The following ADGB variants were observed in gnomAD, a reference collection of about 807,000 sequenced individuals.
The protein encoded by ADGB is calpain-7-like protein.
ADGB carries 172 observed loss-of-function variants against 210.5 expected under a neutral mutation model. That is an observed-to-expected ratio of 0.82 (90% CI 0.72 to 0.93). ADGB has a LOEUF of 0.93. ADGB is among the 40% of genes least tolerant of loss of function. ADGB has a pLI of 0.00. For synonymous variants in ADGB, 658 were observed against 662.7 expected, an observed-to-expected ratio of 0.99 and a Z score of 0.11; for missense variants, 2,025 against 1,964.8, an observed-to-expected ratio of 1.03 and a Z score of -0.58.
rs187448569 is a variant in ADGB, at chr6:146,807,512, C to A, written c.4818+5501C>A. 1.1e-4 allele frequency: 174 copies of A among 1,551,338 alleles called. 1 individual carries two copies. Among genetic ancestry groups the A allele is most frequent in the Admixed American group, 8.6e-4 (44 of 50,962 alleles). ...TGGAAGCTCTCTCTGCTCAGGAAGC[C>A]GCCATGAAGCTGGAGACAGAAAAGA... On this transcript the variant is annotated intron_variant, in intron 35 of 35. Transcript: ENST00000397944.
intron 33 of ADGB, among the ~76,000 whole-genome samples, chr6:146,799,984 A>G (rs1774415689): frequency 6.6e-6 from 1 of 151,672 alleles, no homozygotes; most frequent in African/African-American, 2.4e-5. Flanking sequence ...TAATTTTTGT[A>G]TTTTTTGTAG....
rs940934975 is a variant in ADGB at position 146,614,332 on chromosome 6, G to C, written c.74+15218G>C. ...CTTTGATAAGTTCTGATGTGCATCTGTACACATGAAACCTTCACCACTATC... is the reference window on the plus strand; with the variant it reads ...CTTTGATAAGTTCTGATGTGCATCTCTACACATGAAACCTTCACCACTATC... On this transcript the variant is annotated intron_variant, in intron 1 of 35. Transcript: ENST00000397944. Among the ~76,000 whole-genome samples, 10 of 151,646 alleles carry C rather than the reference G, an allele frequency of 6.6e-5. 1 individual carries two copies. Among genetic ancestry groups the C allele is most frequent in the African/African-American group, 2.4e-5 (1 of 41,260 alleles).
intron 20 of ADGB, 55 bp downstream of exon 20, chr6:146,728,796 T>G (rs1776937543): frequency 7.2e-7 from 1 of 1,394,660 alleles, no homozygotes; most frequent in Non-Finnish European, 9.6e-7. Context: ...TTCAAAATGG[T>G]ATATCTTCCA....
intron 34 of ADGB, among the ~76,000 whole-genome samples, 186 bp downstream of exon 34, chr6:146,801,465 T>C (rs1162307752): frequency 6.6e-6 from 1 of 152,204 alleles, no homozygotes; most frequent in Non-Finnish European, 1.5e-5. Flanking sequence ...AACTAGATGA[T>C]AGAAATATAT....
Position 146,736,610 on chromosome 6 carries a change from A to G in ADGB, c.2888+19A>G, listed in dbSNP as rs1384794809. 1 of 1,485,992 alleles carries G rather than the reference A, an allele frequency of 6.7e-7. No homozygotes were observed. The highest frequency in any genetic ancestry group is 9.1e-7 in the Non-Finnish European group (1 of 1,097,554). 92.1% of individuals were successfully genotyped at this position (1,485,992 alleles called of 1,614,324 possible). ...TCTTAAGGTAAAGCAGTCAAATGATATTTTTATTGCAGTATATTGTCCTTT... is the reference window on the plus strand; with the variant it reads ...TCTTAAGGTAAAGCAGTCAAATGATGTTTTTATTGCAGTATATTGTCCTTT... On this transcript the variant is annotated intron_variant, in intron 23 of 35. Coordinates refer to ENST00000397944, the MANE Select transcript of ADGB (RefSeq NM_024694.4).
chr6:146,647,953 T>A (rs937312414), intron 3 of ADGB, among the ~76,000 whole-genome samples: 14 of 152,168 alleles, frequency 9.2e-5, no homozygotes, highest in African/African-American at 3.4e-4. Context: ...AATTTAAAAA[T>A]ATATATAGTC....
chr6:146,813,741 G>T (rs1778338021), intron 35 of ADGB, among the ~76,000 whole-genome samples: 1 of 152,124 alleles, frequency 6.6e-6, no homozygotes. Context: ...AAACAAAAGG[G>T]AATTTCAGGA....
intron 35 of ADGB, among the ~76,000 whole-genome samples, chr6:146,808,277 G>A (rs1778244377): frequency 6.6e-6 from 1 of 152,162 alleles, no homozygotes; most frequent in Non-Finnish European, 1.5e-5. Flanking sequence ...TGGGAATACA[G>A]GCGTGAGCCA....
chr6:146,801,240 G>T lies in ADGB; in HGVS notation c.4595G>T (p.Arg1532Leu), dbSNP rs746595057. The change falls in exon 34 of 36, where the codon CGA becomes CTA. Residue 1532 changes from arginine (R) to leucine (L), a missense_variant. Coordinates refer to ENST00000397944, the MANE Select transcript of ADGB (RefSeq NM_024694.4). ...TILETSPRLI[R>L]KALEFMDLSQ... ...TTGGAAACATCTCCACGACTTATTC[G>T]AAAAGCACTAGAATTTATGGATTTA... The T allele has an allele frequency of 6.6e-7, 1 of 1,513,156 alleles. No individual in the cohort carries two copies. The highest frequency in any genetic ancestry group is 8.9e-7 in the Non-Finnish European group (1 of 1,129,346). The allele number at this position is 1,513,156 out of a possible 1,614,324, so 93.7% of individuals were successfully genotyped here.
intron 3 of ADGB, among the ~76,000 whole-genome samples, chr6:146,651,845 A>C (rs1775707667): frequency 6.6e-6 from 1 of 152,192 alleles, no homozygotes; most frequent in Non-Finnish European, 1.5e-5. Context: ...TTTTATGGCT[A>C]ACAGCAAGAA....
intron 6 of ADGB, among the ~76,000 whole-genome samples, chr6:146,664,850 C>T (rs1253736081): frequency 6.6e-6 from 1 of 151,996 alleles, no homozygotes. Flanking sequence ...CTCATATTTT[C>T]TTCAGTATTC....
At chr6:146,663,985 T>C (rs1003052841) in intron 5 of ADGB, among the ~76,000 whole-genome samples, 3 of 152,096 alleles carry the variant, frequency 2.0e-5, no homozygotes, top group African/African-American at 7.2e-5. Context: ...ACAATATTGA[T>C]ATAGACATGG....
intron 33 of ADGB, among the ~76,000 whole-genome samples, chr6:146,799,267 A>G (rs1327523543): frequency 1.3e-5 from 2 of 152,032 alleles, no homozygotes; most frequent in African/African-American, 4.8e-5. Flanking sequence ...AACATGTACA[A>G]GACTCCTAGA....
intron 5 of ADGB, among the ~76,000 whole-genome samples, chr6:146,663,251 A>G (rs924107910): frequency 1.4e-5 from 2 of 147,518 alleles, no homozygotes; most frequent in Admixed American, 6.9e-5. Flanking sequence ...TTAGTCTTGT[A>G]ACAACTAAGG....
chr6:146,716,734 G>A, intron 14 of ADGB, 149 bp from the exon 15 acceptor site: 1 of 601,666 alleles, frequency 1.7e-6, no homozygotes, highest in Non-Finnish European at 2.7e-6. Flanking sequence ...TCCCTGTGTG[G>A]ACCTCCATAA....
chr6:146,715,445 T>C, intron 14 of ADGB, 30 bp downstream of exon 14: 1 of 1,442,254 alleles, frequency 6.9e-7, no homozygotes, highest in Non-Finnish European at 9.3e-7. Flanking sequence ...GTGACTTTTT[T>C]CAATGTACAT....
At chr6:146,657,017 C>A (rs1291323616) in intron 5 of ADGB, 37 bp downstream of exon 5, 1 of 1,482,018 alleles carries the variant, frequency 6.7e-7, no homozygotes, top group Non-Finnish European at 9.2e-7. Flanking sequence ...ACTCATGAGT[C>A]TTTCATATTG....
chr6:146,668,088 C>T (rs1283791227), intron 7 of ADGB, among the ~76,000 whole-genome samples: 5 of 151,974 alleles, frequency 3.3e-5, no homozygotes, highest in East Asian at 1.9e-4. Flanking sequence ...ATTTCACGAT[C>T]GTTTTATTTA....
At chr6:146,755,130 CTTAACT>C (rs1777387844) in intron 27 of ADGB, among the ~76,000 whole-genome samples, 2 of 152,000 alleles carry the variant, frequency 1.3e-5, no homozygotes, top group African/African-American at 4.8e-5. Flanking sequence ...ACAACCTTCT[CTTAACT>C]TTAACAGGAT....
Sources: gnomAD v4.1 joint callset for allele counts (sites outside exome capture counted in the v4.1 genomes callset) on GRCh38, gnomAD v4.1.1 for gene constraint, MANE v1.5 for transcripts, NCBI Gene and HGNC (gene_info 2026-07-23, HGNC 2026-07-21) for gene names.